Variants in MYSM1 observed in about 807,000 individuals in gnomAD.
MYSM1 encodes the protein Myb like, SWIRM and MPN domains 1.
In MYSM1, 51 loss-of-function variants were observed where a neutral mutation model predicts 116.0. The ratio of observed to expected loss-of-function variants is 0.44; its 90% CI spans 0.35 to 0.56. The LOEUF is 0.56. Ranked by LOEUF, MYSM1 falls within the 20% of genes least tolerant of loss-of-function variation. The pLI is 0.00. For missense variants in MYSM1, 900 were observed against 974.9 expected (o/e 0.92, Z 1.02); for synonymous variants, 313 against 315.2 (o/e 0.99, Z 0.07).
chr1:58,682,257 T>C lies in MYSM1; in HGVS notation c.787A>G (p.Ile263Val). 6.2e-7 allele frequency: 1 copy of C among 1,611,748 alleles called. No individual in the cohort carries two copies. The highest frequency in any genetic ancestry group is 1.7e-4 in the Middle Eastern group (1 of 6,058). Residue 263 changes from isoleucine (I) to valine (V), a missense_variant, in exon 8 of 20, where the codon ATT becomes GTT. Physicochemically the swap from Ile to Val is conservative, Grantham distance 29. Transcript: ENST00000472487. Reference sequence around the variant, plus strand: ...AGAGCTTCCTGGCTGTCAGAAGTAATGAATTCTCCTTGATTGGTTTCATGC... The same window carrying C: ...AGAGCTTCCTGGCTGTCAGAAGTAACGAATTCTCCTTGATTGGTTTCATGC... Reference protein sequence around the residue: ...KMHETNQGEFITSDSQEALFS... With the variant: ...KMHETNQGEFVTSDSQEALFS...
At chr1:58,675,046 A>G (rs1295668725) in intron 10 of MYSM1, among the ~76,000 whole-genome samples, 2 of 151,804 alleles carry the variant, frequency 1.3e-5, no homozygotes, top group Non-Finnish European at 2.9e-5. Context: ...TGATTTACGA[A>G]TTTTAAAATA....
chr1:58,694,552 C>T (rs1644946531), intron 2 of MYSM1, among the ~76,000 whole-genome samples: 1 of 150,970 alleles, frequency 6.6e-6, no homozygotes, highest in Non-Finnish European at 1.5e-5. Flanking sequence ...ATGTGGGAGG[C>T]AGAGGTTGCA....
At chr1:58,669,903 C>T (rs1482346416) in intron 12 of MYSM1, among the ~76,000 whole-genome samples, 3 of 143,258 alleles carry the variant, frequency 2.1e-5, no homozygotes, top group African/African-American at 7.8e-5. Flanking sequence ...AAAGAGAGAA[C>T]CTAAGCAAGG....
intron 12 of MYSM1, among the ~76,000 whole-genome samples, chr1:58,669,815 G>A (rs1644528900): frequency 9.1e-6 from 1 of 109,988 alleles, no homozygotes; most frequent in South Asian, 3.2e-4. Context: ...CAGCCTGGGT[G>A]ACAGAGTGAG....
chr1:58,669,857 A>AAAAAAAAAAAAAC (rs1553135842), intron 12 of MYSM1, among the ~76,000 whole-genome samples: 1 of 86,060 alleles, frequency 1.2e-5, no homozygotes. Context: ...AAAAAAAAAA[A>AAAAAAAAAAAAAC]AAAAACAAAA....
chr1:58,687,835 CTA>C (rs149262214), intron 6 of MYSM1, among the ~76,000 whole-genome samples: 6,580 of 152,198 alleles, frequency 0.043, 460 homozygotes, highest in African/African-American at 0.15. Context: ...TTGCCCCAGG[CTA>C]TAAGCAGCAG....
Position 58,673,735 on chromosome 1 carries a change from AATT to A in MYSM1, c.1495-88_1495-86del, listed in dbSNP as rs1380896757. On this transcript the variant is annotated intron_variant, in intron 10 of 19. Transcript: ENST00000472487. ...CATTAATACACAAAATGAAAACAAT[AATT>A]ATCTAAAAGTCAATTAATCTATCAA... 2.7e-6 allele frequency: 3 copies of A among 1,126,642 alleles called. No individual in the cohort carries two copies. The African/African-American group carries it at 4.7e-5, about 18-fold the overall frequency. 69.8% of individuals were successfully genotyped at this position (1,126,642 alleles called of 1,614,324 possible). A position where few individuals can be genotyped will look rare whatever the true frequency, so the allele number is the denominator to read the frequency against.
chr1:58,675,558 T>C lies in MYSM1; in HGVS notation c.1413A>G (p.Pro471=). The C allele has an allele frequency of 6.2e-7, 1 of 1,613,550 alleles. No homozygotes were observed. The highest frequency in any genetic ancestry group is 8.5e-7 in the Non-Finnish European group (1 of 1,179,734). Reference sequence around the variant, plus strand: ...TGATTCGTACTTTGTCAACTGTTTGTGGCCTATTATACACAGCCTGTTCTA... The same window carrying C: ...TGATTCGTACTTTGTCAACTGTTTGCGGCCTATTATACACAGCCTGTTCTA... ...FGCEQAVYNR[P]QTVDKVRIRD... is the part of the protein sequence containing the mutation. Residue 471 remains proline (P), a synonymous_variant, in exon 10 of 20, where the codon CCA becomes CCG. Coordinates refer to ENST00000472487, the MANE Select transcript of MYSM1 (RefSeq NM_001085487.3).
chr1:58,662,649 A>G (rs908457013), intron 17 of MYSM1, among the ~76,000 whole-genome samples: 3 of 151,896 alleles, frequency 2.0e-5, no homozygotes, highest in Non-Finnish European at 4.4e-5. Context: ...CCAGCAAATC[A>G]GAAGGCATGG....
chr1:58,665,191 CAG>C, intron 17 of MYSM1, among the ~76,000 whole-genome samples: 1 of 152,032 alleles, frequency 6.6e-6, no homozygotes, highest in Non-Finnish European at 1.5e-5. Flanking sequence ...TTCATGAGAA[CAG>C]AGACTGTTTT....
intron 5 of MYSM1, chr1:58,689,416 CT>C: frequency 4.2e-6 from 1 of 239,472 alleles, no homozygotes; most frequent in Non-Finnish European, 8.0e-6. Context: ...AATAGGCTCC[CT>C]TAGACTGGAT....
In MYSM1 at chr1:58,671,867, C is replaced by T. The variant is rs551018622; in HGVS notation, c.1661+3G>A. The T allele has an allele frequency of 9.2e-5, 148 of 1,610,394 alleles. 1 individual carries two copies. In the South Asian group the frequency reaches 1.5e-3, roughly 17 times the overall value. The stretch of plus-strand genomic sequence containing the variant: ...TAAAAACCACATTTATATAACACTA[C>T]ACCTTTTTGTTGGTCTTGGCACTTT... On this transcript the variant is annotated splice_donor_region_variant and intron_variant, in intron 12 of 19. Transcript: ENST00000472487.
intron 8 of MYSM1, among the ~76,000 whole-genome samples, chr1:58,680,928 T>C (rs1196650170): frequency 1.1e-4 from 17 of 152,138 alleles, no homozygotes; most frequent in African/African-American, 3.9e-4. Context: ...TTCAAGAGAT[T>C]CTCCTGCCTC....
chr1:58,672,336 G>C (rs1447389192), intron 11 of MYSM1, among the ~76,000 whole-genome samples: 1 of 152,084 alleles, frequency 6.6e-6, no homozygotes, highest in East Asian at 1.9e-4. Context: ...ATTAAGAACA[G>C]ATTCTGGATC....
intron 5 of MYSM1, among the ~76,000 whole-genome samples, chr1:58,689,978 C>A (rs534827746): frequency 1.3e-5 from 2 of 152,098 alleles, no homozygotes; most frequent in Non-Finnish European, 2.9e-5. Context: ...CCATAAACCC[C>A]TGGACAACCA....
chr1:58,660,728 A>G (rs899855511), intron 19 of MYSM1, among the ~76,000 whole-genome samples: 1 of 152,148 alleles, frequency 6.6e-6, no homozygotes, highest in Non-Finnish European at 1.5e-5. Context: ...TCATTACAGA[A>G]GCAAAACCTA....
chr1:58,680,762 G>C (rs1277717417), intron 8 of MYSM1, among the ~76,000 whole-genome samples: 1 of 152,122 alleles, frequency 6.6e-6, no homozygotes, highest in Non-Finnish European at 1.5e-5. Flanking sequence ...TCTCTGTAAA[G>C]ATGGCCCTAT....
At chr1:58,681,688 G>T in intron 8 of MYSM1, 97 bp downstream of exon 8, 1 of 1,246,574 alleles carries the variant, frequency 8.0e-7, no homozygotes, top group South Asian at 1.7e-5. Context: ...GTGATCTCTA[G>T]ATTTACTAGC....
At position 58,680,740 on chromosome 1, in the gene MYSM1, G is replaced by GA. The variant is rs1644728215; in HGVS notation, c.1259+1044dup. Among the ~76,000 whole-genome samples, 6 of 152,216 alleles carry GA rather than the reference G, an allele frequency of 3.9e-5. No homozygotes were observed. The South Asian group carries it at 1.0e-3, about 26-fold the overall frequency. ...GGACAAAGCAGAACCCCTGCTCAAG[G>GA]AACTAGGAAGCTCTCTGTAAAGATG... is the stretch of plus-strand genomic sequence containing the variant. On this transcript the variant is annotated intron_variant, in intron 8 of 19. Coordinates refer to ENST00000472487, the MANE Select transcript of MYSM1 (RefSeq NM_001085487.3).
Sources: gnomAD v4.1 joint callset for allele counts (sites outside exome capture counted in the v4.1 genomes callset) on GRCh38, gnomAD v4.1.1 for gene constraint, MANE v1.5 for transcripts, NCBI Gene and HGNC (gene_info 2026-07-23, HGNC 2026-07-21) for gene names.